LATS2: variants seen among roughly 807,000 people sequenced by gnomAD.
LATS2 encodes the protein serine/threonine-protein kinase LATS2.
LATS2 carries 24 observed loss-of-function variants against 76.0 expected under a neutral mutation model. The ratio of observed to expected loss-of-function variants is 0.32; its 90% CI spans 0.23 to 0.44. The LOEUF is 0.44. Ranked by LOEUF, LATS2 falls within the 20% of genes least tolerant of loss-of-function variation. LATS2 has a pLI of 1.00. For missense variants in LATS2, 1,286 were observed against 1,481.2 expected, an observed-to-expected ratio of 0.87 and a Z score of 2.16; for synonymous variants, 692 against 635.4, an observed-to-expected ratio of 1.09 and a Z score of -1.34.
At chr13:21,060,983 C>T (rs1369096465) in intron 1 of LATS2, among the ~76,000 whole-genome samples, 13 of 151,058 alleles carry the variant, frequency 8.6e-5, no homozygotes, top group Non-Finnish European at 1.8e-4. Flanking sequence ...GCCCCCGGCC[C>T]GCGCCGCCCC....
intron 2 of LATS2, among the ~76,000 whole-genome samples, chr13:21,017,040 G>A (rs777813908): frequency 7.2e-5 from 11 of 152,162 alleles, no homozygotes; most frequent in South Asian, 2.1e-4. Flanking sequence ...TGGCAGAACC[G>A]GAAACAAATT....
chr13:21,045,745 A>C lies in LATS2; in HGVS notation c.282T>G (p.Ser94=). 6.2e-7 allele frequency: 1 copy of C among 1,614,240 alleles called. No individual in the cohort carries two copies. Among genetic ancestry groups the C allele is most frequent in the Non-Finnish European group, 8.5e-7 (1 of 1,180,046 alleles). The change falls in exon 2 of 8, where the codon TCT becomes TCG. Residue 94 remains serine, a synonymous_variant. Coordinates refer to ENST00000382592, the MANE Select transcript of LATS2 (RefSeq NM_014572.3). ...TTTGCCGGTTCACTTCTGCAGCTGC[A>C]GAGGTGCCCGATTCATTAGCAAAAG... ...LLPFANESGT[S]AAAEVNRQML... is the part of the protein sequence containing the mutation.
chr13:21,061,506 T>A lies in LATS2; in HGVS notation c.-365A>T, dbSNP rs1281790133. The A allele has an allele frequency of 6.5e-6, 1 of 153,078 alleles. No individual in the cohort carries two copies. The allele number at this position is 153,078 out of a possible 1,614,324, so 9.5% of individuals were successfully genotyped here. A position where few individuals can be genotyped will look rare whatever the true frequency, so the allele number is the denominator to read the frequency against. ...TGGCGTGGACGGCGACTGCTCCATCTTCCCGGGGCGCTCACGCCGCGGTTC... is the reference window on the plus strand; with the variant it reads ...TGGCGTGGACGGCGACTGCTCCATCATCCCGGGGCGCTCACGCCGCGGTTC... On this transcript the variant is annotated 5_prime_UTR_variant, in exon 1 of 8. In the 5' UTR this introduces an upstream ATG that the reference lacks. Coordinates refer to ENST00000382592, the MANE Select transcript of LATS2 (RefSeq NM_014572.3).
At chr13:21,024,112 A>G (rs1013555235) in intron 2 of LATS2, among the ~76,000 whole-genome samples, 27 of 150,278 alleles carry the variant, frequency 1.8e-4, no homozygotes, top group Middle Eastern at 3.4e-3. Flanking sequence ...AAAAAAAAAA[A>G]AAAGAAAAAG....
At position 20,988,039 on chromosome 13, in the gene LATS2, G is replaced by C; in HGVS notation, c.1741C>G (p.Arg581Gly). The C allele has an allele frequency of 6.2e-7, 1 of 1,614,216 alleles. No individual in the cohort carries two copies. The highest frequency in any genetic ancestry group is 8.5e-7 in the Non-Finnish European group (1 of 1,180,040). Residue 581 changes from arginine to glycine, a missense_variant, in exon 4 of 8, where the codon CGC (arginine) becomes GGC (glycine). Transcript: ENST00000382592. ...TTCTCTTCGTCTCTGCTGTTTTTGC[G>C]GACGGGAACGGGAGAGGTCTGAATC... Reference protein sequence around the residue: ...KQIQTSPVPVRKNSRDEEKRE... With the variant: ...KQIQTSPVPVGKNSRDEEKRE...
intron 2 of LATS2, among the ~76,000 whole-genome samples, chr13:20,992,511 C>A (rs949890786): frequency 6.6e-6 from 1 of 152,006 alleles, no homozygotes; most frequent in Non-Finnish European, 1.5e-5. Context: ...AGGACAGCTC[C>A]GCAGAGCTGT....
chr13:21,006,030 G>C (rs1401628539), intron 2 of LATS2, among the ~76,000 whole-genome samples: 1 of 151,984 alleles, frequency 6.6e-6, no homozygotes, highest in Admixed American at 6.6e-5. Flanking sequence ...CCAGCTACTC[G>C]GGAGGCTGAG....
rs377277206 is a variant in LATS2 at position 21,005,852 on chromosome 13, C to T, written c.343-14448G>A. Among the ~76,000 whole-genome samples, 226 of 150,834 alleles carry T rather than the reference C, an allele frequency of 1.5e-3. 1 individual carries two copies. The highest frequency in any genetic ancestry group is 4.9e-3 in the African/African-American group (201 of 41,030). ...CGGAGGCCAGGCGCAGTGGCTTACG[C>T]CTATTAATCCCAGTACTTTGGGAGG... On this transcript the variant is annotated intron_variant, in intron 2 of 7. Coordinates refer to ENST00000382592, the MANE Select transcript of LATS2 (RefSeq NM_014572.3).
chr13:21,031,258 A>G (rs1044712555), intron 2 of LATS2, among the ~76,000 whole-genome samples: 1 of 152,138 alleles, frequency 6.6e-6, no homozygotes, highest in Admixed American at 6.5e-5. Flanking sequence ...ACCACATTTG[A>G]GAAGTTTTTA....
chr13:21,033,427 C>T (rs566616616), intron 2 of LATS2, among the ~76,000 whole-genome samples: 4 of 151,932 alleles, frequency 2.6e-5, no homozygotes, highest in South Asian at 2.1e-4. Context: ...GAGATGTGCA[C>T]GGGAAGACTG....
chr13:21,022,791 G>C (rs1872122919), intron 2 of LATS2, among the ~76,000 whole-genome samples: 1 of 152,084 alleles, frequency 6.6e-6, no homozygotes. Flanking sequence ...GGTATAAACA[G>C]AGCTATCCAC....
Position 20,989,029 on chromosome 13 carries a change from C to G in LATS2, c.751G>C (p.Ala251Pro). Reference protein sequence around the residue: ...AAGAHFPLQGAHYGRPHLLVP... With the variant: ...AAGAHFPLQGPHYGRPHLLVP... ...AGCAGGTGCGGCCGCCCGTAGTGCG[C>G]GCCCTGCAGCGGGAAGTGTGCCCCT... Residue 251 changes from alanine to proline, a missense_variant, in exon 4 of 8, where the codon GCG becomes CCG. This residue lies in a region of LATS2 where 710 missense variants were observed against 660.9 expected (regional missense o/e 1.07). Transcript: ENST00000382592. 1 of 1,559,932 alleles carries G rather than the reference C, an allele frequency of 6.4e-7. No homozygotes were observed. The highest frequency in any genetic ancestry group is 8.6e-7 in the Non-Finnish European group (1 of 1,159,200).
chr13:20,973,091 T>C lies in LATS2; in HGVS notation c.*1779A>G, dbSNP rs1362995485. 1.3e-5 allele frequency: 3 copies of C among 228,598 alleles called. No individual in the cohort carries two copies. The highest frequency in any genetic ancestry group is 1.3e-4 in the East Asian group (2 of 15,858). The allele number at this position is 228,598 out of a possible 1,614,324, so 14.2% of individuals were successfully genotyped here. On this transcript the variant is annotated 3_prime_UTR_variant, in exon 8 of 8. Coordinates refer to ENST00000382592, the MANE Select transcript of LATS2 (RefSeq NM_014572.3). ...GCCAGTAGAAGCTTTTCAAAGGTAA[T>C]GATATATCAATAAATAATAGTTAAA...
At chr13:21,001,437 GGCCTGT>G (rs1225547292) in intron 2 of LATS2, among the ~76,000 whole-genome samples, 4 of 152,168 alleles carry the variant, frequency 2.6e-5, no homozygotes, top group Non-Finnish European at 5.9e-5. Flanking sequence ...AATATTGGCT[GGCCTGT>G]GATTTTCTCT....
intron 2 of LATS2, among the ~76,000 whole-genome samples, chr13:21,042,976 TC>T (rs1423074928): frequency 8.0e-6 from 1 of 124,502 alleles, no homozygotes; most frequent in Non-Finnish European, 1.7e-5. Flanking sequence ...AGAGCGAGAC[TC>T]CGTCTCAAAA....
At chr13:20,994,810 T>C (rs1870674052) in intron 2 of LATS2, among the ~76,000 whole-genome samples, 1 of 148,348 alleles carries the variant, frequency 6.7e-6, no homozygotes, top group African/African-American at 2.5e-5. Flanking sequence ...ATTGCTTGAG[T>C]CCAGGAAGTA....
chr13:20,987,396 T>C lies in LATS2; in HGVS notation c.1899+485A>G, dbSNP rs566662107. Among the ~76,000 whole-genome samples the C allele has an allele frequency of 1.5e-4, 23 of 152,322 alleles. No homozygotes were observed. In the East Asian group the frequency reaches 4.1e-3, roughly 27 times the overall value. ...ATAATTACCTTCTTCAGCACTTCAG[T>C]GTCAACTAAGGTATATTTAAATCAT... On this transcript the variant is annotated intron_variant, in intron 4 of 7. Transcript: ENST00000382592.
chr13:20,987,223 A>AT (rs1383196789), intron 4 of LATS2, among the ~76,000 whole-genome samples: 2 of 33,904 alleles, frequency 5.9e-5, no homozygotes, highest in East Asian at 1.6e-3. Flanking sequence ...AAAAATAAAA[A>AT]TAAAAAAAAC....
chr13:20,984,413 T>C (rs890925263), intron 4 of LATS2, among the ~76,000 whole-genome samples: 2 of 152,120 alleles, frequency 1.3e-5, no homozygotes, highest in African/African-American at 4.8e-5. Context: ...ATCTAATCTT[T>C]CAGTAACTCA....
Sources: gnomAD v4.1 joint callset for allele counts (sites outside exome capture counted in the v4.1 genomes callset) on GRCh38, gnomAD v4.1.1 for gene constraint, gnomAD v4.1.1 regional missense constraint, MANE v1.5 for transcripts, NCBI Gene and HGNC (gene_info 2026-07-23, HGNC 2026-07-21) for gene names.